Variants in NDUFAF2 observed in about 807,000 individuals in gnomAD.
NDUFAF2 encodes the protein NADH dehydrogenase [ubiquinone] 1 alpha subcomplex assembly factor 2.
A neutral mutation model predicts 22.8 loss-of-function variants in NDUFAF2; 13 were observed. The ratio of observed to expected loss-of-function variants is 0.57; its 90% CI spans 0.37 to 0.91. The LOEUF is 0.91. Among genes scored for constraint, NDUFAF2 ranks in the 40% least tolerant of loss-of-function variants. NDUFAF2 has a pLI of 0.01. For synonymous variants in NDUFAF2, 53 were observed against 64.2 expected (o/e 0.83, Z 0.84); for missense variants, 162 against 195.2 (o/e 0.83, Z 1.01).
chr5:61,141,179 A>G (rs1741050181), intron 3 of NDUFAF2, among the ~76,000 whole-genome samples: 1 of 151,948 alleles, frequency 6.6e-6, no homozygotes, highest in Non-Finnish European at 1.5e-5. Flanking sequence ...GTGAGCCAAG[A>G]TCACACCATT....
intron 1 of NDUFAF2, among the ~76,000 whole-genome samples, chr5:60,949,959 A>C (rs1177778303): frequency 1.3e-5 from 2 of 152,132 alleles, no homozygotes; most frequent in Non-Finnish European, 2.9e-5. Flanking sequence ...CTCACCTACT[A>C]GTTCTTGAAT....
At chr5:61,088,913 G>A (rs1331514184) in intron 2 of NDUFAF2, among the ~76,000 whole-genome samples, 2 of 152,068 alleles carry the variant, frequency 1.3e-5, no homozygotes, top group Non-Finnish European at 2.9e-5. Flanking sequence ...TTTGGATGCA[G>A]ACTATTGATA....
At chr5:61,136,932 C>T (rs750392530) in intron 3 of NDUFAF2, among the ~76,000 whole-genome samples, 9 of 152,070 alleles carry the variant, frequency 5.9e-5, no homozygotes, top group Non-Finnish European at 1.3e-4. Flanking sequence ...GGTCCTCAGA[C>T]CAAGAACTGC....
chr5:60,945,625 TC>T (rs1443356272), intron 1 of NDUFAF2, among the ~76,000 whole-genome samples: 1 of 152,124 alleles, frequency 6.6e-6, no homozygotes, highest in Non-Finnish European at 1.5e-5. Flanking sequence ...CCCAGCGCCT[TC>T]CCCCGGCGTG....
intron 3 of NDUFAF2, among the ~76,000 whole-genome samples, chr5:61,129,841 C>G (rs960898542): frequency 6.6e-6 from 1 of 151,854 alleles, no homozygotes; most frequent in African/African-American, 2.4e-5. Context: ...AAAATAAATG[C>G]TATTATCATA....
intron 1 of NDUFAF2, among the ~76,000 whole-genome samples, chr5:60,953,966 C>T (rs1398242011): frequency 6.6e-6 from 1 of 152,068 alleles, no homozygotes; most frequent in Admixed American, 6.6e-5. Context: ...TTCTCCTTTC[C>T]ATGCAAATGA....
chr5:61,150,359 C>G (rs141074927), intron 3 of NDUFAF2, among the ~76,000 whole-genome samples: 1 of 152,042 alleles, frequency 6.6e-6, no homozygotes, highest in Admixed American at 6.6e-5. Flanking sequence ...AAAGGAAATT[C>G]TTTTTTAGGA....
intron 1 of NDUFAF2, among the ~76,000 whole-genome samples, chr5:60,987,509 A>G (rs1004101906): frequency 6.6e-6 from 1 of 152,206 alleles, no homozygotes; most frequent in Non-Finnish European, 1.5e-5. Flanking sequence ...AATATCTTTC[A>G]TGAACATAAA....
chr5:61,052,839 G>A (rs910833148), intron 1 of NDUFAF2, among the ~76,000 whole-genome samples: 9 of 152,118 alleles, frequency 5.9e-5, no homozygotes, highest in South Asian at 2.1e-4. Context: ...GATAGTGTTC[G>A]TTATTCAACC....
intron 1 of NDUFAF2, among the ~76,000 whole-genome samples, chr5:60,965,203 C>G (rs1750738642): frequency 6.6e-6 from 1 of 152,174 alleles, no homozygotes; most frequent in Non-Finnish European, 1.5e-5. Context: ...GATTTCAAAT[C>G]TGACTTGACA....
intron 2 of NDUFAF2, among the ~76,000 whole-genome samples, chr5:61,089,068 A>T (rs16878565): frequency 0.034 from 5,107 of 152,180 alleles, 317 homozygotes; most frequent in African/African-American, 0.12. Context: ...TGTATGCTTC[A>T]TGAAGTATTT....
intron 2 of NDUFAF2, among the ~76,000 whole-genome samples, chr5:61,077,883 G>A (rs551291106): frequency 6.6e-6 from 1 of 152,288 alleles, no homozygotes; most frequent in South Asian, 2.1e-4. Context: ...TACTAATGAA[G>A]AAGAGTGATT....
intron 1 of NDUFAF2, among the ~76,000 whole-genome samples, chr5:61,021,838 G>T (rs566767479): frequency 6.6e-6 from 1 of 152,288 alleles, no homozygotes; most frequent in African/African-American, 2.4e-5. Context: ...TAGAGAAACA[G>T]AACCAACAAG....
At position 61,099,051 on chromosome 5, in the gene NDUFAF2, G is replaced by A; in HGVS notation, c.258+19G>A. 1 of 1,576,526 alleles carries A rather than the reference G, an allele frequency of 6.3e-7. No individual in the cohort carries two copies. The highest frequency in any genetic ancestry group is 1.1e-5 in the South Asian group (1 of 87,262). ...TATGGAGGTAAGACTACACAAGGAG[G>A]ATATCATTTAGGAGTATATATTCCC... On this transcript the variant is annotated intron_variant, in intron 3 of 3. Transcript: ENST00000296597.
At chr5:60,972,881 T>C (rs1300318689) in intron 1 of NDUFAF2, among the ~76,000 whole-genome samples, 1 of 151,700 alleles carries the variant, frequency 6.6e-6, no homozygotes, top group East Asian at 1.9e-4. Flanking sequence ...TCTACCTTTT[T>C]TAATGCCCGT....
chr5:60,952,029 T>A (rs1344832043), intron 1 of NDUFAF2, among the ~76,000 whole-genome samples: 1 of 151,496 alleles, frequency 6.6e-6, no homozygotes, highest in Non-Finnish European at 1.5e-5. Flanking sequence ...TACCTCTTCA[T>A]TATCTTTTTA....
At chr5:61,017,401 A>G (rs1288367810) in intron 1 of NDUFAF2, among the ~76,000 whole-genome samples, 1 of 151,266 alleles carries the variant, frequency 6.6e-6, no homozygotes, top group Non-Finnish European at 1.5e-5. Flanking sequence ...TTTTTTTTTA[A>G]TTAATTGACT....
chr5:61,046,104 G>A (rs1350088648), intron 1 of NDUFAF2, among the ~76,000 whole-genome samples: 1 of 152,042 alleles, frequency 6.6e-6, no homozygotes, highest in East Asian at 1.9e-4. Flanking sequence ...CTGTTAATAT[G>A]GAGTATCACA....
intron 3 of NDUFAF2, among the ~76,000 whole-genome samples, chr5:61,123,211 A>G (rs1752996774): frequency 6.6e-6 from 1 of 152,146 alleles, no homozygotes; most frequent in African/African-American, 2.4e-5. Flanking sequence ...AAGCCATAAA[A>G]AATTCAGAAC....
Sources: allele counts gnomAD v4.1 joint callset (sites outside exome capture counted in the v4.1 genomes callset), GRCh38; gene constraint gnomAD v4.1.1; transcripts MANE v1.5; gene names NCBI Gene and HGNC (gene_info 2026-07-23, HGNC 2026-07-21).